FRMD4A: variants seen among roughly 807,000 people sequenced by gnomAD.
The protein encoded by FRMD4A is FERM domain-containing protein 4A.
A neutral mutation model predicts 129.1 loss-of-function variants in FRMD4A; 29 were observed. That is an observed-to-expected ratio of 0.22 (90% confidence interval 0.17 to 0.31). The LOEUF (loss-of-function observed/expected upper bound fraction) is 0.31. Ranked by LOEUF, FRMD4A falls within the 10% of genes least tolerant of loss-of-function variation. The pLI, the probability that FRMD4A is intolerant of heterozygous loss-of-function variation, is 1.00. For missense variants in FRMD4A, 1,272 were observed against 1,375.8 expected (o/e 0.92, Z 1.19); for synonymous variants, 634 against 571.6 (o/e 1.11, Z -1.56).
chr10:13,652,041 C>G, intron 23 of FRMD4A, 67 bp from the exon 24 acceptor site: 1 of 852,400 alleles, frequency 1.2e-6, no homozygotes, highest in Non-Finnish European at 2.1e-6. Flanking sequence ...CTGACACAGA[C>G]ACAGACACGA....
intron 2 of FRMD4A, among the ~76,000 whole-genome samples, chr10:13,869,793 C>T (rs1202153281): frequency 1.3e-5 from 2 of 152,136 alleles, no homozygotes; most frequent in Non-Finnish European, 2.9e-5. Flanking sequence ...ACCTCCATTT[C>T]GAGTACATTA....
chr10:14,225,274 CT>C (rs1843397498), intron 2 of FRMD4A, among the ~76,000 whole-genome samples: 1 of 152,136 alleles, frequency 6.6e-6, no homozygotes, highest in South Asian at 2.1e-4. Flanking sequence ...ATCCCCAACC[CT>C]CAATCCCAAC....
At chr10:13,866,340 C>G (rs2094367301) in intron 2 of FRMD4A, 1 of 900,776 alleles carries the variant, frequency 1.1e-6, no homozygotes, top group Non-Finnish European at 1.3e-6. Flanking sequence ...GACAGCAGCC[C>G]CTCATGATCT....
At chr10:13,709,897 T>C (rs992737963) in intron 12 of FRMD4A, among the ~76,000 whole-genome samples, 2 of 152,198 alleles carry the variant, frequency 1.3e-5, no homozygotes, top group Non-Finnish European at 2.9e-5. Flanking sequence ...AAAAAATTAA[T>C]TTCCATAGGT....
chr10:13,935,211 G>A (rs981837381), intron 2 of FRMD4A, among the ~76,000 whole-genome samples: 9 of 152,046 alleles, frequency 5.9e-5, no homozygotes, highest in Non-Finnish European at 1.0e-4. Context: ...GGCTGAGCAG[G>A]CGGATCACCT....
intron 15 of FRMD4A, among the ~76,000 whole-genome samples, chr10:13,682,691 G>C (rs1019019434): frequency 2.0e-5 from 3 of 151,776 alleles, no homozygotes; most frequent in Non-Finnish European, 2.9e-5. Flanking sequence ...AGTAGAGATG[G>C]GGTTAGTAGA....
chr10:14,254,674 T>G (rs1844550142), intron 2 of FRMD4A, among the ~76,000 whole-genome samples: 1 of 151,940 alleles, frequency 6.6e-6, no homozygotes, highest in Admixed American at 6.6e-5. Context: ...TTGTATTACT[T>G]CTCATCTATC....
Position 13,689,198 on chromosome 10 carries a change from CGGGGGGGGGGG to C in FRMD4A, c.1117+4689_1117+4699del, listed in dbSNP as rs61670615. Among the ~76,000 whole-genome samples the C allele has an allele frequency of 3.5e-4, 24 of 68,068 alleles. 2 individuals are homozygous for C. In the East Asian group the frequency reaches 4.0e-3, roughly 11 times the overall value. The allele number at this position is 68,068 out of a possible 152,430, so 44.7% of individuals were successfully genotyped here. A position where few individuals can be genotyped will look rare whatever the true frequency, so the allele number is the denominator to read the frequency against. Reference sequence around the variant, plus strand: ...CAATGAGCAGTACACAAACTCTTTGCGGGGGGGGGGGGGGGGGGGGGGAGGGCTATAACTTT... The same window carrying C: ...CAATGAGCAGTACACAAACTCTTTGCGGGGGGGGGGGAGGGCTATAACTTT... On this transcript the variant is annotated intron_variant, in intron 15 of 24. Transcript: ENST00000357447.
chr10:14,031,375 C>G (rs759918334), intron 2 of FRMD4A, among the ~76,000 whole-genome samples: 1 of 151,814 alleles, frequency 6.6e-6, no homozygotes. Context: ...TCAAGTGATT[C>G]TCCTGCCTTA....
Position 13,657,527 on chromosome 10 carries a change from C to T in FRMD4A, c.2067-5G>A, listed in dbSNP as rs1025776786. 41 of 1,363,210 alleles carry T rather than the reference C, an allele frequency of 3.0e-5. No homozygotes were observed. Among genetic ancestry groups the T allele is most frequent in the Non-Finnish European group, 3.7e-5 (38 of 1,036,968 alleles). 84.4% of individuals were successfully genotyped at this position (1,363,210 alleles called of 1,614,324 possible). A position where few individuals can be genotyped will look rare whatever the true frequency, so the allele number is the denominator to read the frequency against. On this transcript the variant is annotated splice_region_variant and splice_polypyrimidine_tract_variant and intron_variant, in intron 21 of 24. Coordinates refer to ENST00000357447, the MANE Select transcript of FRMD4A (RefSeq NM_018027.5). Reference sequence around the variant, plus strand: ...GTGGGGCTGATGTCCACCGACCTGCCGGGAGACGACCCGGGTTGGTCTGGG... The same window carrying T: ...GTGGGGCTGATGTCCACCGACCTGCTGGGAGACGACCCGGGTTGGTCTGGG...
At chr10:13,891,521 G>A in intron 2 of FRMD4A, 5 of 815,486 alleles carry the variant, frequency 6.1e-6, no homozygotes, top group Non-Finnish European at 7.4e-6. Flanking sequence ...TAAAGAAGCA[G>A]CGGCGCGTCC....
At chr10:14,109,124 C>G (rs1242070234) in intron 2 of FRMD4A, among the ~76,000 whole-genome samples, 1 of 151,930 alleles carries the variant, frequency 6.6e-6, no homozygotes, top group African/African-American at 2.4e-5. Context: ...AAGCTCCTCA[C>G]CCTCTGGAAG....
intron 2 of FRMD4A, among the ~76,000 whole-genome samples, chr10:14,267,744 T>A (rs1397177962): frequency 2.6e-5 from 4 of 152,220 alleles, no homozygotes; most frequent in Non-Finnish European, 5.9e-5. Flanking sequence ...ATTTTAAATT[T>A]GGGTCCTTTA....
chr10:14,242,307 T>A (rs996483025), intron 2 of FRMD4A, among the ~76,000 whole-genome samples: 2 of 152,222 alleles, frequency 1.3e-5, no homozygotes, highest in South Asian at 4.1e-4. Flanking sequence ...TGTTGTTAGA[T>A]CTATCTAGTA....
intron 2 of FRMD4A, chr10:14,074,209 T>G (rs1835453703): frequency 6.6e-6 from 1 of 152,200 alleles, no homozygotes; most frequent in Non-Finnish European, 1.5e-5. Flanking sequence ...CAGTACAGAA[T>G]GGGGTTTCCA....
intron 2 of FRMD4A, among the ~76,000 whole-genome samples, chr10:14,128,702 C>G (rs950162966): frequency 6.6e-6 from 1 of 152,188 alleles, no homozygotes; most frequent in Non-Finnish European, 1.5e-5. Context: ...AGAAAATGCA[C>G]GTGGTAACAT....
chr10:13,971,987 T>C, intron 2 of FRMD4A: 1 of 1,183,156 alleles, frequency 8.5e-7, no homozygotes, highest in Non-Finnish European at 1.1e-6. Flanking sequence ...TCACTAATCC[T>C]CAGAGACTGC....
intron 6 of FRMD4A, among the ~76,000 whole-genome samples, chr10:13,772,123 AT>A (rs1481550802): frequency 1.4e-5 from 2 of 146,168 alleles, no homozygotes; most frequent in South Asian, 2.1e-4. Context: ...CCTCAAAAAA[AT>A]ATATATATTA....
intron 3 of FRMD4A, among the ~76,000 whole-genome samples, chr10:13,827,991 C>T (rs776697087): frequency 1.8e-4 from 27 of 152,362 alleles, no homozygotes; most frequent in Admixed American, 3.9e-4. Context: ...TGTAGCCCCT[C>T]TGCAGAGAGA....
Sources: allele counts gnomAD v4.1 joint callset (sites outside exome capture counted in the v4.1 genomes callset), GRCh38; gene constraint gnomAD v4.1.1; transcripts MANE v1.5; gene names NCBI Gene and HGNC (gene_info 2026-07-23, HGNC 2026-07-21).